The following PDZD7 variants were observed in gnomAD, a reference collection of about 807,000 sequenced individuals.
PDZD7 encodes PDZ domain containing 7.
In PDZD7, 72 loss-of-function variants were observed where a neutral mutation model predicts 84.7. The observed-to-expected ratio is 0.85, with a 90% CI of 0.70 to 1.03. The LOEUF (loss-of-function observed/expected upper bound fraction) is 1.03. Among genes scored for constraint, PDZD7 ranks in the 50% least tolerant of loss-of-function variants. The pLI, the probability that PDZD7 is intolerant of heterozygous loss-of-function variation, is 0.00. For synonymous variants in PDZD7, 594 were observed against 580.7 expected (o/e 1.02, Z -0.33); for missense variants, 1,490 against 1,412.9 (o/e 1.05, Z -0.87).
At chr10:101,013,946 T>C (rs1852493390) in intron 11 of PDZD7, among the ~76,000 whole-genome samples, 1 of 148,418 alleles carries the variant, frequency 6.7e-6, no homozygotes, top group African/African-American at 2.5e-5. Context: ...ACCTCCAGGG[T>C]TCAAGCGATT....
Position 101,010,466 on chromosome 10 carries a change from G to T in PDZD7, c.2423C>A (p.Thr808Asn). The change falls in exon 15 of 17, where the codon ACC becomes AAC. Residue 808 changes from threonine to asparagine, a missense_variant. Physicochemically the swap from Thr to Asn is moderately conservative, Grantham distance 65 (BLOSUM62 0). Transcript: ENST00000619208. Reference protein sequence around the residue: ...SPVPTPAPSMTNGRYHKPRKA... With the variant: ...SPVPTPAPSMNNGRYHKPRKA... ...CCGAGGCTTGTGGTAGCGCCCATTG[G>T]TCATGCTGGGGGCAGGGGTAGGCAC... is the stretch of plus-strand genomic sequence containing the variant. 5 of 1,535,900 alleles carry T rather than the reference G, an allele frequency of 3.3e-6. No individual in the cohort carries two copies. The highest frequency in any genetic ancestry group is 3.5e-6 in the Non-Finnish European group (4 of 1,146,758).
At chr10:101,021,465 G>A (rs11596881) in intron 6 of PDZD7, among the ~76,000 whole-genome samples, 17,367 of 152,022 alleles carry the variant, frequency 0.11, 1,121 homozygotes, top group East Asian at 0.19. Context: ...TGTCCAAACC[G>A]CAGCCACCAC....
At position 101,018,829 on chromosome 10, in the gene PDZD7, G is replaced by T. The variant is rs1188240783; in HGVS notation, c.1317C>A (p.Thr439=). 3 of 1,597,048 alleles carry T rather than the reference G, an allele frequency of 1.9e-6. No individual in the cohort carries two copies. Among genetic ancestry groups the T allele is most frequent in the Non-Finnish European group, 2.6e-6 (3 of 1,170,082 alleles). Residue 439 remains threonine (T), a synonymous_variant, in exon 8 of 17, where the codon ACC becomes ACA. Coordinates refer to ENST00000619208, the MANE Select transcript of PDZD7 (RefSeq NM_001195263.2). ...PPITRSQSYL[T]LWEEKQQRKK... The stretch of plus-strand genomic sequence containing the variant: ...CACCCATCCCCCACGTACCCCACAA[G>T]GTCAGATAGCTCTGGGAGCGCGTGA...
intron 8 of PDZD7, 32 bp from the exon 9 acceptor site, chr10:101,018,328 G>A: frequency 6.2e-7 from 1 of 1,611,776 alleles, no homozygotes; most frequent in Middle Eastern, 2.0e-4. Flanking sequence ...GGGGGAGCTG[G>A]AGGGGTGGGC....
chr10:101,015,677 T>C lies in PDZD7; in HGVS notation c.1708A>G (p.Thr570Ala), dbSNP rs558077677. Residue 570 changes from threonine to alanine, a missense_variant, in exon 11 of 17, where the codon ACT becomes GCT. Thr to Ala is a moderately conservative substitution (Grantham distance 58). Transcript: ENST00000619208. The stretch of plus-strand genomic sequence containing the variant: ...GTGACAGCCAGCACCTCGTCATCAG[T>C]CAGCAGCCTCTGGGCCAGGTCCTGA... ...LIQDLAQRLL[T>A]DDEVLAVTRH... 11 of 1,550,348 alleles carry C rather than the reference T, an allele frequency of 7.1e-6. No homozygotes were observed. In the African/African-American group the frequency reaches 1.2e-4, roughly 17 times the overall value.
intron 6 of PDZD7, 34 bp from the exon 7 acceptor site, chr10:101,020,712 G>A (rs769852416): frequency 6.4e-7 from 1 of 1,564,054 alleles, no homozygotes; most frequent in Non-Finnish European, 8.8e-7. Context: ...GGAGGGAAGG[G>A]GGAGCAGTGA....
At chr10:101,012,042 G>A in intron 12 of PDZD7, 26 bp from the exon 13 acceptor site, 1 of 1,544,724 alleles carries the variant, frequency 6.5e-7, no homozygotes, top group South Asian at 1.2e-5. Flanking sequence ...AGACAGCAGG[G>A]GTGGGAGGGG....
Position 101,019,196 on chromosome 10 carries a change from T to C in PDZD7, c.950A>G (p.Gln317Arg). The change falls in exon 8 of 17, where the codon CAG (glutamine) becomes CGG (arginine). Residue 317 changes from glutamine to arginine, a missense_variant. Coordinates refer to ENST00000619208, the MANE Select transcript of PDZD7 (RefSeq NM_001195263.2). ...LDRLSNGVLQ[Q>R]LSPASESSSS... ...GCTGCTCTCAGAGGCCGGGGACAGC[T>C]GCTGCAGCACCCCGTTGCTCACTGC... 4 of 1,535,996 alleles carry C rather than the reference T, an allele frequency of 2.6e-6. No individual in the cohort carries two copies. Among genetic ancestry groups the C allele is most frequent in the Non-Finnish European group, 8.7e-7 (1 of 1,146,910 alleles).
chr10:101,009,282 C>T lies in PDZD7; in HGVS notation c.2686G>A (p.Gly896Arg), dbSNP rs890687418. 4.6e-6 allele frequency: 7 copies of T among 1,535,882 alleles called. No homozygotes were observed. The African/African-American group carries it at 8.2e-5, about 18-fold the overall frequency. Residue 896 changes from glycine (G) to arginine (R), a missense_variant, in exon 16 of 17, where the codon GGG becomes AGG. Coordinates refer to ENST00000619208, the MANE Select transcript of PDZD7 (RefSeq NM_001195263.2). ...GCCCCACTGAGGAAAGCGGCCCCCC[C>T]AGGGAAGATCTTCTCTATCTTCACC... is the stretch of plus-strand genomic sequence containing the variant. ...PMVKIEKIFP[G>R]GAAFLSGALQ...
At chr10:101,020,384 G>A (rs960177304) in intron 7 of PDZD7, among the ~76,000 whole-genome samples, 3 of 152,200 alleles carry the variant, frequency 2.0e-5, no homozygotes, top group African/African-American at 7.2e-5. Context: ...GGGATTATAG[G>A]CGTGAGCCAT....
chr10:101,008,379 C>G lies in PDZD7; in HGVS notation c.*88G>C. ...TGGGAGGAGGCAGGGTGGGCAGGAG[C>G]TGGAGAGTCCTGAAGAAGTTGGTAG... On this transcript the variant is annotated 3_prime_UTR_variant, in exon 17 of 17. Transcript: ENST00000619208. 3.8e-6 allele frequency: 5 copies of G among 1,307,046 alleles called. No individual in the cohort carries two copies. The highest frequency in any genetic ancestry group is 5.1e-6 in the Non-Finnish European group (5 of 978,856). 81.0% of individuals were successfully genotyped at this position (1,307,046 alleles called of 1,614,324 possible).
rs370912387 is a variant in PDZD7 at position 101,018,987 on chromosome 10, G to T, written c.1159C>A (p.Arg387=). Reference sequence around the variant, plus strand: ...GTGTCCCTGAGGATGACTGTGGGCCGCACGCTGCACCAGGTCTCCACCCGG... The same window carrying T: ...GTGTCCCTGAGGATGACTGTGGGCCTCACGCTGCACCAGGTCTCCACCCGG... The part of the protein sequence containing the change: ...GGRVETWCSV[R]PTVILRDTAI... The change falls in exon 8 of 17, where the codon CGG becomes AGG. Residue 387 remains arginine (R), a synonymous_variant. Transcript: ENST00000619208. 25 of 1,582,712 alleles carry T rather than the reference G, an allele frequency of 1.6e-5. No individual in the cohort carries two copies. The highest frequency in any genetic ancestry group is 2.0e-5 in the Non-Finnish European group (23 of 1,165,808).
intron 1 of PDZD7, chr10:101,030,705 AAG>A (rs1223183003): frequency 6.9e-6 from 2 of 291,098 alleles, no homozygotes; most frequent in Non-Finnish European, 1.4e-5. Flanking sequence ...TGTGAGACAA[AAG>A]AGAGGTCAGG....
intron 11 of PDZD7, among the ~76,000 whole-genome samples, chr10:101,014,256 A>C (rs1254591242): frequency 2.6e-5 from 4 of 152,104 alleles, no homozygotes; most frequent in African/African-American, 7.2e-5. Context: ...TACATGCCCC[A>C]GTCACTAGGA....
chr10:101,015,282 C>T (rs968702270), intron 11 of PDZD7, among the ~76,000 whole-genome samples: 3 of 152,146 alleles, frequency 2.0e-5, no homozygotes, highest in Non-Finnish European at 2.9e-5. Context: ...GGCACCTGTC[C>T]GCTCCTTCTC....
chr10:101,020,744 C>G (rs1056168423), intron 6 of PDZD7, 66 bp from the exon 7 acceptor site: 2 of 1,184,602 alleles, frequency 1.7e-6, no homozygotes, highest in Non-Finnish European at 2.5e-6. Context: ...GAGAATGGGG[C>G]GGGGGTGACA....
rs1852316759 is a variant in PDZD7 at position 101,009,355 on chromosome 10, T to C, written c.2618-5A>G. On this transcript the variant is annotated splice_region_variant and splice_polypyrimidine_tract_variant and intron_variant, in intron 15 of 16. Transcript: ENST00000619208. ...TGCCCCCAGAAATGCTGATACCTAG[T>C]GACAGGGAGAAACACCGTGTGAGAG... The C allele has an allele frequency of 5.9e-6, 9 of 1,534,634 alleles. No individual in the cohort carries two copies. Among genetic ancestry groups the C allele is most frequent in the Non-Finnish European group, 7.9e-6 (9 of 1,145,604 alleles).
At chr10:101,027,943 A>C (rs1469138266) in intron 2 of PDZD7, among the ~76,000 whole-genome samples, 1 of 152,170 alleles carries the variant, frequency 6.6e-6, no homozygotes, top group Admixed American at 6.5e-5. Flanking sequence ...AAGGTAATGC[A>C]TTTTCTCTGG....
At chr10:101,019,542 GCCTCCT>G (rs141118065) in intron 7 of PDZD7, among the ~76,000 whole-genome samples, 1,430 of 89,286 alleles carry the variant, frequency 0.016, 63 homozygotes, top group African/African-American at 0.032. Flanking sequence ...TTCTGCTTCT[GCCTCCT>G]CCTCCTCCTC....
Sources: gnomAD v4.1 joint callset for allele counts (sites outside exome capture counted in the v4.1 genomes callset) on GRCh38, gnomAD v4.1.1 for gene constraint, MANE v1.5 for transcripts, NCBI Gene and HGNC (gene_info 2026-07-23, HGNC 2026-07-21) for gene names.